The following CALCR variants were observed in gnomAD, a reference collection of about 807,000 sequenced individuals.
The protein encoded by CALCR is calcitonin receptor.
Under a neutral mutation model 59.5 loss-of-function variants are expected in CALCR, and 47 were observed. The observed-to-expected ratio is 0.79, with a 90% CI of 0.63 to 1.01. The LOEUF (loss-of-function observed/expected upper bound fraction) is 1.01. Ranked by LOEUF, CALCR falls within the 50% of genes least tolerant of loss-of-function variation. The pLI is 0.00. For missense variants in CALCR, 566 were observed against 597.1 expected, an observed-to-expected ratio of 0.95 and a Z score of 0.54; for synonymous variants, 213 against 211.3, an observed-to-expected ratio of 1.01 and a Z score of -0.07.
chr7:93,546,214 G>A (rs760168145), intron 2 of CALCR, among the ~76,000 whole-genome samples: 14 of 152,034 alleles, frequency 9.2e-5, no homozygotes, highest in Non-Finnish European at 1.9e-4. Flanking sequence ...CCTATGTCCT[G>A]TATTTCCCAA....
At chr7:93,542,993 A>G (rs1166023573) in intron 2 of CALCR, among the ~76,000 whole-genome samples, 4 of 152,110 alleles carry the variant, frequency 2.6e-5, no homozygotes, top group Non-Finnish European at 1.5e-5. Flanking sequence ...GAAGGAGTAC[A>G]TTCTAAAATA....
intron 8 of CALCR, among the ~76,000 whole-genome samples, chr7:93,456,453 G>GA (rs1800210116): frequency 6.6e-6 from 1 of 151,744 alleles, no homozygotes; most frequent in African/African-American, 2.4e-5. Context: ...AAAACAGTTT[G>GA]AAAGAGGTAA....
chr7:93,568,283 G>C (rs1206017073), intron 2 of CALCR, among the ~76,000 whole-genome samples: 1 of 152,062 alleles, frequency 6.6e-6, no homozygotes, highest in Non-Finnish European at 1.5e-5. Context: ...TTTCAAAAAG[G>C]GAAAATAAAG....
At chr7:93,517,320 T>TTTTTTTTTTTTTATTATAC in intron 2 of CALCR, among the ~76,000 whole-genome samples, 1 of 151,268 alleles carries the variant, frequency 6.6e-6, no homozygotes, top group South Asian at 2.1e-4. Context: ...TTTTTTAATT[T>TTTTTTTTTTTTTATTATAC]GCTAGCCATA....
At chr7:93,504,911 T>C (rs911142214) in intron 2 of CALCR, among the ~76,000 whole-genome samples, 1 of 152,142 alleles carries the variant, frequency 6.6e-6, no homozygotes, top group African/African-American at 2.4e-5. Context: ...GGTGCAGCAA[T>C]ATTTCCATGT....
At chr7:93,530,805 G>A (rs865929212) in intron 2 of CALCR, among the ~76,000 whole-genome samples, 1 of 152,144 alleles carries the variant, frequency 6.6e-6, no homozygotes, top group Middle Eastern at 3.4e-3. Context: ...GCTGGTTGTT[G>A]GAAAATCCAA....
chr7:93,566,896 A>T lies in CALCR; in HGVS notation c.-27+7393T>A, dbSNP rs181257421. Among the ~76,000 whole-genome samples, 6 of 152,336 alleles carry T rather than the reference A, an allele frequency of 3.9e-5. No homozygotes were observed. In the East Asian group the frequency reaches 5.8e-4, roughly 15 times the overall value. ...AAACAATTTAGGATTAATTGCTTTC[A>T]GGGCTTGGATCCACATTAGGAAAAT... On this transcript the variant is annotated intron_variant, in intron 2 of 13. Transcript: ENST00000426151.
At chr7:93,563,271 T>C (rs1789788377) in intron 2 of CALCR, among the ~76,000 whole-genome samples, 1 of 152,208 alleles carries the variant, frequency 6.6e-6, no homozygotes, top group African/African-American at 2.4e-5. Context: ...TTAGCCTAAT[T>C]AAAATTCAAT....
intron 2 of CALCR, among the ~76,000 whole-genome samples, chr7:93,541,236 C>A (rs984015614): frequency 6.6e-6 from 1 of 152,096 alleles, no homozygotes; most frequent in Non-Finnish European, 1.5e-5. Flanking sequence ...TGCAGTGGCA[C>A]GATTTCGGCT....
chr7:93,521,775 C>T (rs915761135), intron 2 of CALCR, among the ~76,000 whole-genome samples: 1 of 152,054 alleles, frequency 6.6e-6, no homozygotes, highest in African/African-American at 2.4e-5. Flanking sequence ...CTATTTTATT[C>T]CATTACATAT....
intron 2 of CALCR, among the ~76,000 whole-genome samples, chr7:93,507,414 G>A (rs1191835995): frequency 6.6e-6 from 1 of 152,116 alleles, no homozygotes; most frequent in Non-Finnish European, 1.5e-5. Flanking sequence ...GAGCAGTGAG[G>A]AGGGTAAGGA....
intron 2 of CALCR, among the ~76,000 whole-genome samples, chr7:93,571,485 A>G (rs1790003168): frequency 6.6e-6 from 1 of 152,128 alleles, no homozygotes; most frequent in Non-Finnish European, 1.5e-5. Context: ...TTCTTATTCT[A>G]CAAAGAAAAT....
chr7:93,529,546 A>G (rs1202745915), intron 2 of CALCR, among the ~76,000 whole-genome samples: 1 of 152,184 alleles, frequency 6.6e-6, no homozygotes, highest in East Asian at 1.9e-4. Context: ...TTGAAGAACC[A>G]CAAGAACTAC....
chr7:93,442,551 T>G (rs1390222805), intron 9 of CALCR, among the ~76,000 whole-genome samples: 2 of 152,184 alleles, frequency 1.3e-5, no homozygotes, highest in Admixed American at 6.5e-5. Flanking sequence ...ACAATGCCTG[T>G]TGGGCAGGGC....
Position 93,426,563 on chromosome 7 carries a change from C to G in CALCR, c.1218G>C (p.Trp406Cys), listed in dbSNP as rs756606839. Residue 406 changes from tryptophan to cysteine, a missense_variant, in exon 14 of 14, where the codon TGG becomes TGC. Coordinates refer to ENST00000426151, the MANE Select transcript of CALCR (RefSeq NM_001742.4). ...NEVQTTVKRQ[W>C]AQFKIQWNQR... ...GGTTCCACTGAATTTTGAATTGGGC[C>G]CATTGGCGCTTCACGGTGGTTTGGA... The G allele has an allele frequency of 5.7e-5, 91 of 1,609,752 alleles. No homozygotes were observed. The highest frequency in any genetic ancestry group is 7.6e-5 in the Non-Finnish European group (89 of 1,176,832).
intron 2 of CALCR, among the ~76,000 whole-genome samples, chr7:93,566,799 T>C (rs908549333): frequency 6.6e-6 from 1 of 152,210 alleles, no homozygotes; most frequent in Non-Finnish European, 1.5e-5. Flanking sequence ...TTTTTGTTTT[T>C]GTTTTCTATT....
At chr7:93,506,825 T>C (rs1400278803) in intron 2 of CALCR, among the ~76,000 whole-genome samples, 3 of 152,172 alleles carry the variant, frequency 2.0e-5, no homozygotes, top group African/African-American at 7.2e-5. Flanking sequence ...GTTCCCACAA[T>C]CCTCACCTGT....
chr7:93,540,465 AC>A (rs1165614545), intron 2 of CALCR, among the ~76,000 whole-genome samples: 1 of 152,086 alleles, frequency 6.6e-6, no homozygotes. Flanking sequence ...ACAATTTCCA[AC>A]TATTTTGATC....
chr7:93,567,804 C>T (rs1789900974), intron 2 of CALCR, among the ~76,000 whole-genome samples: 1 of 151,932 alleles, frequency 6.6e-6, no homozygotes, highest in African/African-American at 2.4e-5. Flanking sequence ...TGCCACTGTC[C>T]TTGTGATAGT....
Sources: allele counts gnomAD v4.1 joint callset (sites outside exome capture counted in the v4.1 genomes callset), GRCh38; gene constraint gnomAD v4.1.1; transcripts MANE v1.5; gene names NCBI Gene and HGNC (gene_info 2026-07-23, HGNC 2026-07-21).